COTL1: variants seen among roughly 807,000 people sequenced by gnomAD.
The protein encoded by COTL1 is coactosin like F-actin binding protein 1, also known as coactosin-like protein.
Under a neutral mutation model 16.5 loss-of-function variants are expected in COTL1, and 15 were observed. The observed-to-expected ratio is 0.91, with a 90% CI of 0.61 to 1.40. The LOEUF is 1.40. COTL1 is among the 40% of genes most tolerant of loss of function. COTL1 has a pLI of 0.00. For missense variants in COTL1, 220 were observed against 201.5 expected, an observed-to-expected ratio of 1.09 and a Z score of -0.56; for synonymous variants, 112 against 85.3, an observed-to-expected ratio of 1.31 and a Z score of -1.73.
At chr16:84,607,865 G>C (rs145360389) in intron 2 of COTL1, among the ~76,000 whole-genome samples, 2 of 152,262 alleles carry the variant, frequency 1.3e-5, no homozygotes, top group African/African-American at 4.8e-5. Flanking sequence ...GAGAAGACAA[G>C]GTCATGATCA....
At chr16:84,591,634 TAAAAAAAAAAA>T (rs372775821) in intron 2 of COTL1, among the ~76,000 whole-genome samples, 4 of 75,188 alleles carry the variant, frequency 5.3e-5, no homozygotes, top group East Asian at 7.0e-4. Context: ...ATCACCTCTC[TAAAAAAAAAAA>T]AAAAAAAAAA....
rs1316066027 is a variant in COTL1 at position 84,565,914 on chromosome 16, C to G, written c.*931G>C. On this transcript the variant is annotated 3_prime_UTR_variant, in exon 4 of 4. Transcript: ENST00000262428. ...GAGCAACCCTTCGGCCCAAGCCATCCTCGCAGCTTACACAGAAGCTTCCTG... is the reference window on the plus strand; with the variant it reads ...GAGCAACCCTTCGGCCCAAGCCATCGTCGCAGCTTACACAGAAGCTTCCTG... 1 of 152,336 alleles carries G rather than the reference C, an allele frequency of 6.6e-6. No individual in the cohort carries two copies. The highest frequency in any genetic ancestry group is 2.4e-5 in the African/African-American group (1 of 41,484). The allele number at this position is 152,336 out of a possible 1,614,324, so 9.4% of individuals were successfully genotyped here.
intron 2 of COTL1, among the ~76,000 whole-genome samples, chr16:84,614,701 A>G (rs1299639734): frequency 6.6e-6 from 1 of 152,142 alleles, no homozygotes; most frequent in Non-Finnish European, 1.5e-5. Context: ...GTTTGGAAGC[A>G]GGAAGCCCGA....
At chr16:84,615,374 G>A (rs777658389) in intron 2 of COTL1, among the ~76,000 whole-genome samples, 2 of 152,194 alleles carry the variant, frequency 1.3e-5, no homozygotes, top group Admixed American at 1.3e-4. Context: ...TGTGGGAGGA[G>A]GGAAGTGTTC....
At chr16:84,615,466 C>T (rs1671267349) in intron 2 of COTL1, among the ~76,000 whole-genome samples, 1 of 152,146 alleles carries the variant, frequency 6.6e-6, no homozygotes, top group African/African-American at 2.4e-5. Context: ...TTCCTCATCC[C>T]CTTCTACTTG....
At chr16:84,597,466 GCAGCACCA>G (rs1372887893) in intron 2 of COTL1, among the ~76,000 whole-genome samples, 2 of 152,174 alleles carry the variant, frequency 1.3e-5, no homozygotes, top group African/African-American at 4.8e-5. Context: ...CCTCGGACCA[GCAGCACCA>G]CAGCACCCGG....
intron 2 of COTL1, among the ~76,000 whole-genome samples, chr16:84,607,675 C>G (rs1024503037): frequency 2.0e-5 from 3 of 152,114 alleles, no homozygotes; most frequent in Admixed American, 1.3e-4. Context: ...CATGTCATGT[C>G]TGAGCGTTTG....
intron 2 of COTL1, among the ~76,000 whole-genome samples, chr16:84,602,331 C>A (rs1204911323): frequency 1.3e-5 from 2 of 150,638 alleles, no homozygotes; most frequent in Non-Finnish European, 3.0e-5. Context: ...GTTGAGGCTG[C>A]AGTGAACTAT....
chr16:84,613,532 G>A (rs1028677601), intron 2 of COTL1, among the ~76,000 whole-genome samples: 3 of 152,064 alleles, frequency 2.0e-5, no homozygotes, highest in Non-Finnish European at 4.4e-5. Flanking sequence ...GGGACAAACC[G>A]ACTAGAAAGC....
intron 2 of COTL1, among the ~76,000 whole-genome samples, chr16:84,610,892 A>C (rs1413218612): frequency 1.3e-5 from 2 of 152,200 alleles, no homozygotes; most frequent in African/African-American, 4.8e-5. Context: ...GCTGCCCTTC[A>C]TGAAGAAGCC....
chr16:84,590,165 G>A lies in COTL1; in HGVS notation c.258C>T (p.Val86=). The A allele has an allele frequency of 6.2e-7, 1 of 1,614,158 alleles. No individual in the cohort carries two copies. ...CGGTTTTGGCGCGCTGCAGCCCGCTGACGTTCTCACCGATCCACGTGATGA... is the reference window on the plus strand; with the variant it reads ...CGGTTTTGGCGCGCTGCAGCCCGCTAACGTTCTCACCGATCCACGTGATGA... ...FALITWIGEN[V]SGLQRAKTGT... is the part of the protein sequence containing the mutation. Residue 86 remains valine (V), a synonymous_variant, in exon 3 of 4, where the codon GTC becomes GTT. Coordinates refer to ENST00000262428, the MANE Select transcript of COTL1 (RefSeq NM_021149.5). This position sits in a 1 kb window ranked among gnomAD's most constrained non-coding sequence, Gnocchi z 5.5.
At chr16:84,593,667 A>G (rs1188638317) in intron 2 of COTL1, among the ~76,000 whole-genome samples, 5 of 151,760 alleles carry the variant, frequency 3.3e-5, no homozygotes, top group South Asian at 4.2e-4. Context: ...GCCCGCCACC[A>G]CGCCCGGCTA....
intron 2 of COTL1, among the ~76,000 whole-genome samples, chr16:84,605,928 T>C (rs938936467): frequency 3.9e-5 from 6 of 152,374 alleles, no homozygotes; most frequent in Middle Eastern, 3.4e-3. Context: ...CTGTTAACCA[T>C]TGTTGTTATC....
chr16:84,590,004 G>T lies in COTL1; in HGVS notation c.318+101C>A. ...ATAGCATGGCTTGTCCCAAGTCACA[G>T]CTAAGCTACAGACCCAGGAGTCGAA... On this transcript the variant is annotated intron_variant, in intron 3 of 3. Transcript: ENST00000262428. The surrounding 1 kb of genome is among the most constrained non-coding windows in gnomAD (Gnocchi z 5.5). 1.7e-6 allele frequency: 2 copies of T among 1,210,524 alleles called. No individual in the cohort carries two copies. Among genetic ancestry groups the T allele is most frequent in the Non-Finnish European group, 1.2e-6 (1 of 858,200 alleles). The allele number at this position is 1,210,524 out of a possible 1,614,324, so 75.0% of individuals were successfully genotyped here. A position where few individuals can be genotyped will look rare whatever the true frequency, so the allele number is the denominator to read the frequency against.
intron 2 of COTL1, among the ~76,000 whole-genome samples, chr16:84,593,751 G>A (rs12596391): frequency 1.3e-5 from 2 of 151,968 alleles, no homozygotes; most frequent in Admixed American, 1.3e-4. Context: ...CGCCCACCTC[G>A]GCCTCCCAAA....
At chr16:84,617,755 G>T (rs966753155) in intron 1 of COTL1, 83 bp downstream of exon 1, 2 of 1,439,202 alleles carry the variant, frequency 1.4e-6, no homozygotes, top group Non-Finnish European at 1.9e-6. Context: ...GCCCGAATCC[G>T]TCCCGCCTGG....
At chr16:84,577,776 A>G (rs1904486347) in intron 3 of COTL1, among the ~76,000 whole-genome samples, 1 of 152,180 alleles carries the variant, frequency 6.6e-6, no homozygotes, top group African/African-American at 2.4e-5. Flanking sequence ...GATGGAAGGC[A>G]TGGTGTCCTA....
intron 3 of COTL1, among the ~76,000 whole-genome samples, chr16:84,579,923 G>C (rs1385195171): frequency 2.6e-5 from 4 of 152,222 alleles, no homozygotes; most frequent in African/African-American, 9.6e-5. Context: ...CACACAAAGA[G>C]CTCTCCAGAT....
At chr16:84,577,947 C>G (rs1904489934) in intron 3 of COTL1, among the ~76,000 whole-genome samples, 1 of 152,208 alleles carries the variant, frequency 6.6e-6, no homozygotes, top group Admixed American at 6.5e-5. Flanking sequence ...TTCCTGACCA[C>G]AGAGATTTAC....
Sources: gnomAD v4.1 joint callset for allele counts (sites outside exome capture counted in the v4.1 genomes callset) on GRCh38, gnomAD v4.1.1 for gene constraint, Gnocchi (gnomAD v3.1) non-coding constraint, MANE v1.5 for transcripts, NCBI Gene and HGNC (gene_info 2026-07-23, HGNC 2026-07-21) for gene names.